Variants in PNPLA7 observed in about 807,000 individuals in gnomAD.
The protein encoded by PNPLA7 is patatin-like phospholipase domain-containing protein 7.
A neutral mutation model predicts 161.7 loss-of-function variants in PNPLA7; 153 were observed. The observed-to-expected ratio is 0.95, with a 90% CI of 0.83 to 1.08. PNPLA7 has a LOEUF of 1.08. PNPLA7 is among the 50% of genes least tolerant of loss of function. The pLI is 0.00. For synonymous variants in PNPLA7, 809 were observed against 782.1 expected (o/e 1.03, Z -0.57); for missense variants, 1,739 against 1,856.6 (o/e 0.94, Z 1.16).
At chr9:137,503,986 AAAGAAGCAAG>A (rs1268660601) in intron 14 of PNPLA7, among the ~76,000 whole-genome samples, 14 of 97,290 alleles carry the variant, frequency 1.4e-4, no homozygotes, top group African/African-American at 5.8e-4. Context: ...AAGGAAGAAG[AAAGAAGCAAG>A]AAGAAGAAAG....
rs966091012 is a variant in PNPLA7, at chr9:137,470,243, C to A, written c.2883-2770G>T. Among the ~76,000 whole-genome samples the A allele has an allele frequency of 2.0e-5, 3 of 152,102 alleles. No homozygotes were observed. In the South Asian group the frequency reaches 6.2e-4, roughly 32 times the overall value. On this transcript the variant is annotated intron_variant, in intron 25 of 34. Transcript: ENST00000406427. ...GTTGCCCAGGCTGGTCTGGAACTCT[C>A]GGGCTCAAGAAATCCTCCCTCCTTG...
Position 137,550,216 on chromosome 9 carries a change from C to A in PNPLA7, c.-19G>T, listed in dbSNP as rs778425064. On this transcript the variant is annotated 5_prime_UTR_variant, in exon 1 of 35. Transcript: ENST00000406427. ...CCTCCATGGCCAGAAACAGAAAAAA[C>A]AGTCAGGGGCGAAAAGCAGACAGCC... The A allele has an allele frequency of 1.2e-6, 2 of 1,613,086 alleles. No individual in the cohort carries two copies. Among genetic ancestry groups the A allele is most frequent in the Non-Finnish European group, 1.7e-6 (2 of 1,179,868 alleles).
intron 19 of PNPLA7, 122 bp downstream of exon 19, chr9:137,494,911 C>T: frequency 1.1e-6 from 1 of 892,058 alleles, no homozygotes; most frequent in East Asian, 2.6e-5. Flanking sequence ...CTGCTCTGCG[C>T]TCTCACCTGC....
At chr9:137,473,516 A>C (rs1473401954) in intron 25 of PNPLA7, among the ~76,000 whole-genome samples, 3 of 152,274 alleles carry the variant, frequency 2.0e-5, no homozygotes, top group African/African-American at 7.2e-5. Context: ...TAAGAAAATG[A>C]GAAGAAAAGC....
At chr9:137,489,837 T>C (rs1042121101) in intron 20 of PNPLA7, among the ~76,000 whole-genome samples, 2 of 152,110 alleles carry the variant, frequency 1.3e-5, no homozygotes, top group Non-Finnish European at 2.9e-5. Flanking sequence ...GTTTAAAAAA[T>C]GAGCAGTGCC....
chr9:137,522,636 G>A (rs1835086237), intron 9 of PNPLA7, 93 bp downstream of exon 9: 2 of 1,358,334 alleles, frequency 1.5e-6, no homozygotes, highest in South Asian at 2.6e-5. Flanking sequence ...GAAAGTAAGT[G>A]GGCAATAAAC....
At chr9:137,526,155 G>C (rs982544090) in intron 8 of PNPLA7, among the ~76,000 whole-genome samples, 9 of 152,014 alleles carry the variant, frequency 5.9e-5, no homozygotes, top group African/African-American at 2.2e-4. Flanking sequence ...TCGTGCCCTC[G>C]GTCTCTTGCC....
In PNPLA7 at chr9:137,540,599, C is replaced by T; in HGVS notation, c.747+43G>A. ...AGACAGAAAAACCAGGCCTCCGGGG[C>T]CAACCCAGGGGCGCCCGGAGGGCCA... On this transcript the variant is annotated intron_variant, in intron 8 of 34. Transcript: ENST00000406427. This position sits in a 1 kb window ranked among gnomAD's most constrained non-coding sequence, Gnocchi z 5.1. 6.4e-7 allele frequency: 1 copy of T among 1,557,082 alleles called. No individual in the cohort carries two copies. Among genetic ancestry groups the T allele is most frequent in the Non-Finnish European group, 8.7e-7 (1 of 1,145,192 alleles).
Position 137,460,034 on chromosome 9 carries a change from G to GGGCTTC in PNPLA7, c.*358_*359insGAAGCC. The GGGCTTC allele has an allele frequency of 3.9e-6, 1 of 257,430 alleles. No homozygotes were observed. The highest frequency in any genetic ancestry group is 7.8e-6 in the Non-Finnish European group (1 of 127,470). 15.9% of individuals were successfully genotyped at this position (257,430 alleles called of 1,614,324 possible). A position where few individuals can be genotyped will look rare whatever the true frequency, so the allele number is the denominator to read the frequency against. ...CTCACAGGGCAGCAGGCAGTTCACA[G>GGGCTTC]GACAGCAGGCAGTTCACAGGGCTTT... On this transcript the variant is annotated 3_prime_UTR_variant, in exon 35 of 35. Transcript: ENST00000406427.
At chr9:137,548,651 G>T (rs972480546) in intron 1 of PNPLA7, among the ~76,000 whole-genome samples, 1 of 152,238 alleles carries the variant, frequency 6.6e-6, no homozygotes, top group African/African-American at 2.4e-5. Flanking sequence ...GGGAGGCTGA[G>T]GCAGGAGAAT....
chr9:137,491,345 A>G (rs955233478), intron 20 of PNPLA7: 1 of 489,918 alleles, frequency 2.0e-6, no homozygotes, highest in East Asian at 1.5e-4. Flanking sequence ...ACAAAATGGA[A>G]GACGTAACAG....
At chr9:137,536,142 G>A (rs1314743455) in intron 8 of PNPLA7, among the ~76,000 whole-genome samples, 1 of 139,612 alleles carries the variant, frequency 7.2e-6, no homozygotes, top group Non-Finnish European at 1.5e-5. Context: ...GACAGACCAA[G>A]ACTCCATCAC....
intron 12 of PNPLA7, among the ~76,000 whole-genome samples, chr9:137,506,529 T>C (rs192830288): frequency 2.6e-5 from 4 of 152,272 alleles, no homozygotes; most frequent in Non-Finnish European, 5.9e-5. Context: ...ACGGGTGCCC[T>C]GGGCCGTCAC....
At chr9:137,503,879 AAAGAAGAAGGAAG>A (rs574209006) in intron 14 of PNPLA7, among the ~76,000 whole-genome samples, 2,769 of 62,824 alleles carry the variant, frequency 0.044, 47 homozygotes, top group Non-Finnish European at 0.078. Context: ...AAGGAAGAAG[AAAGAAGAAGGAAG>A]AAGAAGAAGG....
At position 137,466,441 on chromosome 9, in the gene PNPLA7, C is replaced by T. The variant is rs1052785097; in HGVS notation, c.3039+876G>A. On this transcript the variant is annotated intron_variant, in intron 26 of 34. Coordinates refer to ENST00000406427, the MANE Select transcript of PNPLA7 (RefSeq NM_001098537.3). ...CACGGATCAAACCGCCTCCCAACACCGTCTCCACCACCTCAGACCCAGGCA... is the reference window on the plus strand; with the variant it reads ...CACGGATCAAACCGCCTCCCAACACTGTCTCCACCACCTCAGACCCAGGCA... Among the ~76,000 whole-genome samples the T allele has an allele frequency of 6.0e-5, 9 of 150,070 alleles. 1 individual carries two copies. The highest frequency in any genetic ancestry group is 2.0e-4 in the East Asian group (1 of 5,070).
At chr9:137,529,488 T>A (rs1328216392) in intron 8 of PNPLA7, among the ~76,000 whole-genome samples, 1 of 152,160 alleles carries the variant, frequency 6.6e-6, no homozygotes, top group Non-Finnish European at 1.5e-5. Context: ...TTGCCTTCTT[T>A]GTTTTAGCAG....
At chr9:137,514,231 C>T (rs564801339) in intron 12 of PNPLA7, among the ~76,000 whole-genome samples, 17 of 121,224 alleles carry the variant, frequency 1.4e-4, no homozygotes, top group Admixed American at 1.7e-4. Context: ...TTGATGTGCC[C>T]GGGCCCTGTG....
rs904503095 is a variant in PNPLA7, at chr9:137,480,187, T to A, written c.2580+125A>T. On this transcript the variant is annotated intron_variant, in intron 23 of 34. Coordinates refer to ENST00000406427, the MANE Select transcript of PNPLA7 (RefSeq NM_001098537.3). ...TTTTAAAACATGGGTAGCAGATATC[T>A]GAGTGTTGGCTCTTATCATCTGTCT... The A allele has an allele frequency of 4.7e-5, 62 of 1,323,804 alleles. No homozygotes were observed. In the African/African-American group the frequency reaches 7.7e-4, roughly 16 times the overall value. The allele number at this position is 1,323,804 out of a possible 1,614,324, so 82.0% of individuals were successfully genotyped here.
intron 25 of PNPLA7, among the ~76,000 whole-genome samples, chr9:137,475,893 T>C (rs532175783): frequency 6.6e-6 from 1 of 152,316 alleles, no homozygotes; most frequent in East Asian, 1.9e-4. Context: ...ATGAGGACAC[T>C]TGCTGATATG....
Sources: allele counts gnomAD v4.1 joint callset (sites outside exome capture counted in the v4.1 genomes callset), GRCh38; gene constraint gnomAD v4.1.1; non-coding constraint Gnocchi (gnomAD v3.1); transcripts MANE v1.5; gene names NCBI Gene and HGNC (gene_info 2026-07-23, HGNC 2026-07-21).